Variants in SEC61A2 observed in about 807,000 individuals in gnomAD.
SEC61A2 encodes SEC61 translocon subunit alpha 2.
SEC61A2 carries 28 observed loss-of-function variants against 59.9 expected under a neutral mutation model. That is an observed-to-expected ratio of 0.47 (90% CI 0.35 to 0.64). SEC61A2 has a LOEUF of 0.64. SEC61A2 is among the 30% of genes least tolerant of loss of function. The probability of loss-of-function intolerance (pLI) is 0.01; values close to 1 mark genes in which losing one functional copy is unlikely to be tolerated. For missense variants in SEC61A2, 340 were observed against 585.9 expected (o/e 0.58, Z 4.33); for synonymous variants, 202 against 214.4 (o/e 0.94, Z 0.50).
At chr10:12,131,109 G>A (rs1564404775) in intron 1 of SEC61A2, among the ~76,000 whole-genome samples, 1 of 152,222 alleles carries the variant, frequency 6.6e-6, no homozygotes, top group Non-Finnish European at 1.5e-5. Context: ...GGAGGTGGAG[G>A]TTGCAGTGAA....
chr10:12,140,450 A>G (rs1451691548), intron 3 of SEC61A2, among the ~76,000 whole-genome samples: 1 of 152,234 alleles, frequency 6.6e-6, no homozygotes, highest in African/African-American at 2.4e-5. Context: ...TACTAAGTGA[A>G]ATAAAATTAG....
At chr10:12,138,389 GTATAA>G (rs763744135) in intron 3 of SEC61A2, among the ~76,000 whole-genome samples, 2 of 152,048 alleles carry the variant, frequency 1.3e-5, no homozygotes, top group Non-Finnish European at 2.9e-5. Flanking sequence ...CCTTGTGGAG[GTATAA>G]TATATATACA....
At position 12,129,923 on chromosome 10, in the gene SEC61A2, C is replaced by A; in HGVS notation, c.7+129C>A. On this transcript the variant is annotated intron_variant, in intron 1 of 11. Coordinates refer to ENST00000298428, the MANE Select transcript of SEC61A2 (RefSeq NM_018144.4). This position sits in a 1 kb window ranked among gnomAD's most constrained non-coding sequence, Gnocchi z 5.6. ...ATGCGCGGGCCGCTCCGGGCCTCAG[C>A]GGAGGGCACGGGCCGGGGGCCTCCG... 1 of 838,190 alleles carries A rather than the reference C, an allele frequency of 1.2e-6. No homozygotes were observed. The highest frequency in any genetic ancestry group is 1.6e-6 in the Non-Finnish European group (1 of 613,592). 51.9% of individuals were successfully genotyped at this position (838,190 alleles called of 1,614,324 possible). A position where few individuals can be genotyped will look rare whatever the true frequency, so the allele number is the denominator to read the frequency against.
chr10:12,146,716 C>T (rs1834146537), intron 4 of SEC61A2, among the ~76,000 whole-genome samples: 1 of 151,844 alleles, frequency 6.6e-6, no homozygotes, highest in South Asian at 2.1e-4. Context: ...GGTGGGGTTT[C>T]ACCATGTTAG....
In SEC61A2 at chr10:12,143,136, T is replaced by C; in HGVS notation, c.161T>C (p.Met54Thr). The change falls in exon 4 of 12, where the codon ATG (methionine) becomes ACG (threonine). Residue 54 changes from methionine to threonine, a missense_variant. Met to Thr is a moderately conservative substitution (Grantham distance 81, BLOSUM62 -1). Around this residue, in one of 3 missense-constraint regions of SEC61A2, gnomAD observed 16 missense variants for 55.0 expected, o/e 0.29. Coordinates refer to ENST00000298428, the MANE Select transcript of SEC61A2 (RefSeq NM_018144.4). This position sits in a 1 kb window ranked among gnomAD's most constrained non-coding sequence, Gnocchi z 4.8. ...TTTTAGATCCCACTGTTTGGAATCA[T>C]GTCATCAGATTCTGCAGATCCTTTC... is the stretch of plus-strand genomic sequence containing the variant. ...VCCQIPLFGI[M>T]SSDSADPFYW... 6.2e-7 allele frequency: 1 copy of C among 1,612,522 alleles called. No individual in the cohort carries two copies. Among genetic ancestry groups the C allele is most frequent in the Non-Finnish European group, 8.5e-7 (1 of 1,178,500 alleles).
At chr10:12,157,807 G>T in intron 8 of SEC61A2, 101 bp from the exon 9 acceptor site, 1 of 1,140,436 alleles carries the variant, frequency 8.8e-7, no homozygotes, top group South Asian at 1.4e-5. Context: ...GGCCGGCATT[G>T]TCTTTTCATC....
At position 12,143,318 on chromosome 10, in the gene SEC61A2, G is replaced by T; in HGVS notation, c.220+123G>T. On this transcript the variant is annotated intron_variant, in intron 4 of 11. Coordinates refer to ENST00000298428, the MANE Select transcript of SEC61A2 (RefSeq NM_018144.4). This position sits in a 1 kb window ranked among gnomAD's most constrained non-coding sequence, Gnocchi z 4.8. ...GGATATCATTGCCTAGAAAAGCCTA[G>T]TATGTAGATAATGACAACACCGTGT... 1.3e-6 allele frequency: 1 copy of T among 747,708 alleles called. No homozygotes were observed. Among genetic ancestry groups the T allele is most frequent in the South Asian group, 1.5e-5 (1 of 67,686 alleles). 46.3% of individuals were successfully genotyped at this position (747,708 alleles called of 1,614,324 possible). A position where few individuals can be genotyped will look rare whatever the true frequency, so the allele number is the denominator to read the frequency against.
rs1238698742 is a variant in SEC61A2 at position 12,143,409 on chromosome 10, T to C, written c.220+214T>C. ...TGGACTGGAAAACCCTGATCTTCAG[T>C]GTCAAAGAAGGTGATGTCCAGATAA... On this transcript the variant is annotated intron_variant, in intron 4 of 11. Coordinates refer to ENST00000298428, the MANE Select transcript of SEC61A2 (RefSeq NM_018144.4). The surrounding 1 kb of genome is among the most constrained non-coding windows in gnomAD (Gnocchi z 4.8). Among the ~76,000 whole-genome samples, 1 of 152,086 alleles carries C rather than the reference T, an allele frequency of 6.6e-6. No homozygotes were observed. The highest frequency in any genetic ancestry group is 1.5e-5 in the Non-Finnish European group (1 of 68,012).
downstream of SEC61A2, chr10:12,167,766 G>GA: frequency 6.2e-7 from 1 of 1,614,166 alleles, no homozygotes; most frequent in Non-Finnish European, 8.5e-7. Flanking sequence ...TAGAGCGTAG[G>GA]AATAGACCCT....
Position 12,164,135 on chromosome 10 carries a change from C to T in SEC61A2, c.1245-133C>T, listed in dbSNP as rs1396027411. 2.2e-5 allele frequency: 22 copies of T among 981,216 alleles called. No homozygotes were observed. The highest frequency in any genetic ancestry group is 2.7e-5 in the Non-Finnish European group (18 of 673,604). 60.8% of individuals were successfully genotyped at this position (981,216 alleles called of 1,614,324 possible). A position where few individuals can be genotyped will look rare whatever the true frequency, so the allele number is the denominator to read the frequency against. ...GTGCCCTGCACACCCCTCCACACTGCAGCCTGTTCCCTCTGGAGTTCAGGG... is the reference window on the plus strand; with the variant it reads ...GTGCCCTGCACACCCCTCCACACTGTAGCCTGTTCCCTCTGGAGTTCAGGG... On this transcript the variant is annotated intron_variant, in intron 11 of 11. Transcript: ENST00000298428. This position sits in a 1 kb window ranked among gnomAD's most constrained non-coding sequence, Gnocchi z 7.3.
At chr10:12,133,498 A>G (rs1393040612) in intron 2 of SEC61A2, among the ~76,000 whole-genome samples, 190 bp downstream of exon 2, 1 of 152,248 alleles carries the variant, frequency 6.6e-6, no homozygotes, top group Non-Finnish European at 1.5e-5. Context: ...AGGTTAACTC[A>G]TGCTTTCAAA....
rs780399872 is a variant in SEC61A2, at chr10:12,153,693, A to G, written c.463-2085A>G. 6.3e-7 allele frequency: 1 copy of G among 1,597,018 alleles called. No homozygotes were observed. Among genetic ancestry groups the G allele is most frequent in the Admixed American group, 1.8e-5 (1 of 56,150 alleles). On this transcript the variant is annotated intron_variant, in intron 6 of 11. Transcript: ENST00000298428. The surrounding 1 kb of genome is among the most constrained non-coding windows in gnomAD (Gnocchi z 5.2). ...ATGTTAATATATAAAGAGGGGTGTC[A>G]TGTTTGATTGTAGGTGGGCAGTGAC...
At chr10:12,165,728 T>C (rs996115599), downstream of SEC61A2, 4 of 152,266 alleles carry the variant, frequency 2.6e-5, no homozygotes, top group East Asian at 1.9e-4. Flanking sequence ...GAAGTATGGG[T>C]TTTCATTGCT....
At chr10:12,150,929 C>G (rs989331675) in intron 6 of SEC61A2, among the ~76,000 whole-genome samples, 7 of 152,092 alleles carry the variant, frequency 4.6e-5, no homozygotes, top group African/African-American at 1.7e-4. Flanking sequence ...TGCCTGCCAC[C>G]ACGCCCAGCT....
intron 1 of SEC61A2, among the ~76,000 whole-genome samples, chr10:12,131,682 CTTTTTTTT>C (rs1199525836): frequency 8.6e-5 from 4 of 46,536 alleles, no homozygotes; most frequent in South Asian, 1.2e-3. Context: ...GATTACATAC[CTTTTTTTT>C]TTTTTTTTTT....
chr10:12,150,999 A>T (rs930771024), intron 6 of SEC61A2, among the ~76,000 whole-genome samples: 2,810 of 149,492 alleles, frequency 0.019, 102 homozygotes, highest in African/African-American at 0.066. Context: ...CTGGTGTTGA[A>T]CTCCTGACCT....
At chr10:12,168,581 A>C (rs1834770025), downstream of SEC61A2, among the ~76,000 whole-genome samples, 1 of 152,086 alleles carries the variant, frequency 6.6e-6, no homozygotes, top group Non-Finnish European at 1.5e-5. This position sits in a 1 kb window ranked among gnomAD's most constrained non-coding sequence, Gnocchi z 4.8. Context: ...GCTTTCATTA[A>C]AATTTGTTTC....
rs755999861 is a variant in SEC61A2, at chr10:12,152,460, G to A, written c.462+2499G>A. Among the ~76,000 whole-genome samples, 1 of 152,152 alleles carries A rather than the reference G, an allele frequency of 6.6e-6. No homozygotes were observed. The highest frequency in any genetic ancestry group is 1.5e-5 in the Non-Finnish European group (1 of 68,012). ...TGTGTTCGCATTTGGTAGAAGATAC[G>A]TTTCCTTAAAGAATAACTGTCAGAT... On this transcript the variant is annotated intron_variant, in intron 6 of 11. Coordinates refer to ENST00000298428, the MANE Select transcript of SEC61A2 (RefSeq NM_018144.4). The surrounding 1 kb of genome is among the most constrained non-coding windows in gnomAD (Gnocchi z 5.5).
In SEC61A2 at chr10:12,158,768, A is replaced by C. The variant is rs1332955893; in HGVS notation, c.975+663A>C. On this transcript the variant is annotated intron_variant, in intron 9 of 11. Transcript: ENST00000298428. The surrounding 1 kb of genome is among the most constrained non-coding windows in gnomAD (Gnocchi z 5.7). ...CAAAAAATGCTATTTGCTGCTGCTA[A>C]CATGTGAGATACTGGACTCATCCTA... Among the ~76,000 whole-genome samples, 2 of 152,090 alleles carry C rather than the reference A, an allele frequency of 1.3e-5. No homozygotes were observed. Among genetic ancestry groups the C allele is most frequent in the Non-Finnish European group, 2.9e-5 (2 of 68,018 alleles).
Sources: allele counts gnomAD v4.1 joint callset (sites outside exome capture counted in the v4.1 genomes callset), GRCh38; gene constraint gnomAD v4.1.1; regional missense constraint gnomAD v4.1.1; non-coding constraint Gnocchi (gnomAD v3.1); transcripts MANE v1.5; gene names NCBI Gene and HGNC (gene_info 2026-07-23, HGNC 2026-07-21).